SPINDOC: variants seen among roughly 807,000 people sequenced by gnomAD.
The protein encoded by SPINDOC is spindlin interactor and repressor of chromatin binding, also known as spindlin interactor and repressor of chromatin-binding protein.
A neutral mutation model predicts 30.7 loss-of-function variants in SPINDOC; 13 were observed. The ratio of observed to expected loss-of-function variants is 0.42; its 90% CI spans 0.28 to 0.67. The LOEUF is 0.67. Ranked by LOEUF, SPINDOC falls within the 30% of genes least tolerant of loss-of-function variation. SPINDOC has a pLI of 0.22. For missense variants in SPINDOC, 438 were observed against 518.0 expected (o/e 0.85, Z 1.50); for synonymous variants, 228 against 211.4 (o/e 1.08, Z -0.68).
chr11:63,821,486 C>A (rs964058263), intron 5 of SPINDOC, among the ~76,000 whole-genome samples: 4 of 152,192 alleles, frequency 2.6e-5, no homozygotes, highest in Non-Finnish European at 5.9e-5. Flanking sequence ...ATTCTGCCAA[C>A]CACACATGAC....
chr11:63,824,163 G>T (rs1245148974), intron 5 of SPINDOC, among the ~76,000 whole-genome samples: 1 of 148,452 alleles, frequency 6.7e-6, no homozygotes, highest in Non-Finnish European at 1.5e-5. Flanking sequence ...GCCCACCTCG[G>T]CCTCCCAAAG....
intron 1 of SPINDOC, among the ~76,000 whole-genome samples, chr11:63,816,476 T>C (rs1032250004): frequency 2.6e-5 from 4 of 152,052 alleles, no homozygotes; most frequent in Admixed American, 6.6e-5. Context: ...TTTCTGCCCA[T>C]GGTCGCATGA....
At position 63,818,087 on chromosome 11, in the gene SPINDOC, C is replaced by T; in HGVS notation, c.410C>T (p.Ala137Val). The T allele has an allele frequency of 6.2e-7, 1 of 1,614,076 alleles. No individual in the cohort carries two copies. Among genetic ancestry groups the T allele is most frequent in the Non-Finnish European group, 8.5e-7 (1 of 1,180,024 alleles). Residue 137 changes from alanine (A) to valine (V), a missense_variant, in exon 2 of 6, where the codon GCC (alanine) becomes GTC (valine). By Grantham distance (64) the Ala-to-Val change is moderately conservative (BLOSUM62 0). This residue lies in a region of SPINDOC where 300 missense variants were observed against 332.8 expected (regional missense o/e 0.90). Coordinates refer to ENST00000294244, the MANE Select transcript of SPINDOC (RefSeq NM_138471.3). The surrounding 1 kb of genome is among the most constrained non-coding windows in gnomAD (Gnocchi z 5.3). ...CTGGAGGCCTGGAGTGAAGGGGTGG[C>T]CCTCTTGCAAGACGTGAGAGCTGAG... ...NILEAWSEGV[A>V]LLQDVRAEQP...
chr11:63,818,810 T>G lies in SPINDOC; in HGVS notation c.742T>G (p.Ser248Ala). 2 of 1,613,744 alleles carry G rather than the reference T, an allele frequency of 1.2e-6. No individual in the cohort carries two copies. Among genetic ancestry groups the G allele is most frequent in the Non-Finnish European group, 1.7e-6 (2 of 1,180,024 alleles). Residue 248 changes from serine to alanine, a missense_variant, in exon 5 of 6, where the codon TCG becomes GCG. Physicochemically the swap from Ser to Ala is moderately conservative, Grantham distance 99. This residue lies in a region of SPINDOC where 300 missense variants were observed against 332.8 expected (regional missense o/e 0.90). Transcript: ENST00000294244. The surrounding 1 kb of genome is among the most constrained non-coding windows in gnomAD (Gnocchi z 5.3). The part of the protein sequence containing the change: ...KNLDPDPEPP[S>A]PDSPTETFAA... The stretch of plus-strand genomic sequence containing the variant: ...CCCGTCCTCCCTTCCAGAGCCCCCA[T>G]CGCCAGACTCGCCCACGGAGACTTT...
Position 63,827,476 on chromosome 11 carries a change from G to C in SPINDOC, c.*337G>C, listed in dbSNP as rs1269415785. 1 of 372,466 alleles carries C rather than the reference G, an allele frequency of 2.7e-6. No individual in the cohort carries two copies. The highest frequency in any genetic ancestry group is 5.0e-6 in the Non-Finnish European group (1 of 201,662). The allele number at this position is 372,466 out of a possible 1,614,324, so 23.1% of individuals were successfully genotyped here. On this transcript the variant is annotated 3_prime_UTR_variant, in exon 6 of 6. Coordinates refer to ENST00000294244, the MANE Select transcript of SPINDOC (RefSeq NM_138471.3). ...CTCCCCACCATTCTCCCTTGGCACA[G>C]TGCCTTACACAAGAGTGGTCATAAG...
Position 63,827,646 on chromosome 11 carries a change from G to A in SPINDOC, c.*507G>A, listed in dbSNP as rs559327450. On this transcript the variant is annotated 3_prime_UTR_variant, in exon 6 of 6. Coordinates refer to ENST00000294244, the MANE Select transcript of SPINDOC (RefSeq NM_138471.3). The stretch of plus-strand genomic sequence containing the variant: ...GGGCCTGGGCACCCCATTCACTCCC[G>A]TTCTCATTTACATCTGTTTTCCTGT... 1.1e-4 allele frequency: 19 copies of A among 170,828 alleles called. No homozygotes were observed. Among genetic ancestry groups the A allele is most frequent in the Admixed American group, 9.9e-4 (18 of 18,272 alleles). The allele number at this position is 170,828 out of a possible 1,614,324, so 10.6% of individuals were successfully genotyped here. A position where few individuals can be genotyped will look rare whatever the true frequency, so the allele number is the denominator to read the frequency against.
intron 5 of SPINDOC, 146 bp downstream of exon 5, chr11:63,819,148 C>T (rs1431028702): frequency 4.1e-5 from 28 of 687,450 alleles, no homozygotes; most frequent in East Asian, 2.5e-4. Context: ...TCCTGGTACA[C>T]GGGGCCGGGG....
rs559928186 is a variant in SPINDOC, at chr11:63,818,493, C to CT, written c.608-31dup. On this transcript the variant is annotated intron_variant, in intron 3 of 5. Coordinates refer to ENST00000294244, the MANE Select transcript of SPINDOC (RefSeq NM_138471.3). This position sits in a 1 kb window ranked among gnomAD's most constrained non-coding sequence, Gnocchi z 5.3. ...GGGTGGCAGGGTTCGGGGATGGCCTCTTTAAAAGGGTATGAGGTCTTTTCT... is the reference window on the plus strand; with the variant it reads ...GGGTGGCAGGGTTCGGGGATGGCCTCTTTTAAAAGGGTATGAGGTCTTTTCT... 6.9e-4 allele frequency: 1,102 copies of CT among 1,607,870 alleles called. 5 individuals carry two copies. Among genetic ancestry groups the CT allele is most frequent in the Middle Eastern group, 3.6e-3 (21 of 5,832 alleles).
Position 63,819,022 on chromosome 11 carries a change from A to C in SPINDOC, c.934+20A>C. 2 of 1,490,526 alleles carry C rather than the reference A, an allele frequency of 1.3e-6. No homozygotes were observed. The highest frequency in any genetic ancestry group is 1.8e-6 in the Non-Finnish European group (2 of 1,101,974). 92.3% of individuals were successfully genotyped at this position (1,490,526 alleles called of 1,614,324 possible). ...CTCCAGGTGAGCCCTCCTGAGAGGG[A>C]AGCACAGTAGGGACCTCGCAGGCAG... On this transcript the variant is annotated intron_variant, in intron 5 of 5. Coordinates refer to ENST00000294244, the MANE Select transcript of SPINDOC (RefSeq NM_138471.3).
chr11:63,813,911 C>T (rs770149490), intron 1 of SPINDOC, 98 bp downstream of exon 1: 2 of 1,365,470 alleles, frequency 1.5e-6, no homozygotes, highest in South Asian at 1.6e-5. Context: ...CACCTTCTCA[C>T]CCCCTTCAGC....
intron 5 of SPINDOC, among the ~76,000 whole-genome samples, chr11:63,820,426 A>G (rs1355777200): frequency 6.6e-6 from 1 of 151,124 alleles, no homozygotes; most frequent in African/African-American, 2.4e-5. Flanking sequence ...AGAAGCTTAC[A>G]TACAGTTTAT....
chr11:63,813,541 C>T lies in SPINDOC; in HGVS notation c.-146C>T, dbSNP rs1272903159. On this transcript the variant is annotated 5_prime_UTR_variant, in exon 1 of 6. Transcript: ENST00000294244. ...GCCGGTCGCAGGCCCGGCCGGCGAG[C>T]GGCGGGCGGGCGGCGGGGAGGGGGC... 4 of 624,252 alleles carry T rather than the reference C, an allele frequency of 6.4e-6. No homozygotes were observed. The highest frequency in any genetic ancestry group is 8.0e-6 in the Non-Finnish European group (4 of 502,552). The allele number at this position is 624,252 out of a possible 1,614,324, so 38.7% of individuals were successfully genotyped here.
intron 1 of SPINDOC, among the ~76,000 whole-genome samples, chr11:63,817,418 T>C (rs1461206137): frequency 6.6e-6 from 1 of 152,048 alleles, no homozygotes; most frequent in Non-Finnish European, 1.5e-5. Context: ...AGAAGTCAGA[T>C]TTGGATGAAA....
chr11:63,817,703 C>A, intron 1 of SPINDOC, 102 bp from the exon 2 acceptor site: 1 of 1,084,340 alleles, frequency 9.2e-7, no homozygotes, highest in Non-Finnish European at 1.3e-6. Flanking sequence ...CAGAAATGCT[C>A]TCCTCCCCCA....
intron 5 of SPINDOC, among the ~76,000 whole-genome samples, chr11:63,821,538 A>T: frequency 6.6e-6 from 1 of 152,206 alleles, no homozygotes; most frequent in Non-Finnish European, 1.5e-5. Context: ...GTAGTCCAGC[A>T]GGGCAGAGAC....
chr11:63,817,850 A>C lies in SPINDOC; in HGVS notation c.173A>C (p.Glu58Ala), dbSNP rs937126441. The change falls in exon 2 of 6, where the codon GAG becomes GCG. Residue 58 changes from glutamate to alanine, a missense_variant. Transcript: ENST00000294244. ...CCACCGCCTAGACCCAGCCCGCTAG[A>C]GGCAGGCAGTGATGGCTGTGAGGAG... is the stretch of plus-strand genomic sequence containing the variant. ...KTPPPRPSPL[E>A]AGSDGCEEPK... is the part of the protein sequence containing the mutation. 1 of 1,609,072 alleles carries C rather than the reference A, an allele frequency of 6.2e-7. No individual in the cohort carries two copies. The highest frequency in any genetic ancestry group is 8.5e-7 in the Non-Finnish European group (1 of 1,177,804).
At chr11:63,823,304 T>G in intron 5 of SPINDOC, 3 of 1,249,028 alleles carry the variant, frequency 2.4e-6, no homozygotes, top group Non-Finnish European at 3.1e-6. Flanking sequence ...ACTTTCTGTG[T>G]TGTTATGTAC....
intron 5 of SPINDOC, 110 bp from the exon 6 acceptor site, chr11:63,826,818 A>G: frequency 1.5e-6 from 1 of 662,878 alleles, no homozygotes; most frequent in Non-Finnish European, 2.8e-6. Flanking sequence ...GGCTGTGGAC[A>G]TAATGAAAGC....
At chr11:63,824,153 G>A (rs909130387) in intron 5 of SPINDOC, among the ~76,000 whole-genome samples, 4 of 151,706 alleles carry the variant, frequency 2.6e-5, no homozygotes, top group East Asian at 1.9e-4. Context: ...CGGGTGATCC[G>A]CCCACCTCGG....
Sources: gnomAD v4.1 joint callset for allele counts (sites outside exome capture counted in the v4.1 genomes callset) on GRCh38, gnomAD v4.1.1 for gene constraint, gnomAD v4.1.1 regional missense constraint, Gnocchi (gnomAD v3.1) non-coding constraint, MANE v1.5 for transcripts, NCBI Gene and HGNC (gene_info 2026-07-23, HGNC 2026-07-21) for gene names.